UBR3: variants seen among roughly 807,000 people sequenced by gnomAD.
UBR3 encodes ubiquitin protein ligase E3 component n-recognin 3.
Under a neutral mutation model 243.2 loss-of-function variants are expected in UBR3, and 85 were observed. The observed-to-expected ratio is 0.35, with a 90% confidence interval of 0.29 to 0.42. UBR3 has a LOEUF of 0.42. Ranked by LOEUF, UBR3 falls within the 10% of genes least tolerant of loss-of-function variation. The probability of loss-of-function intolerance (pLI) is 1.00; values close to 1 mark genes in which losing one functional copy is unlikely to be tolerated. For synonymous variants in UBR3, 748 were observed against 799.8 expected, an observed-to-expected ratio of 0.94 and a Z score of 1.09; for missense variants, 1,686 against 2,300.8, an observed-to-expected ratio of 0.73 and a Z score of 5.47.
At chr2:169,999,043 T>A (rs1485904208) in intron 26 of UBR3, among the ~76,000 whole-genome samples, 1 of 152,242 alleles carries the variant, frequency 6.6e-6, no homozygotes, top group Non-Finnish European at 1.5e-5. Flanking sequence ...TTAAGTGTTA[T>A]CCTGCATTTT....
intron 35 of UBR3, among the ~76,000 whole-genome samples, chr2:170,072,587 A>T (rs557200219): frequency 2.0e-5 from 3 of 152,170 alleles, no homozygotes; most frequent in Admixed American, 1.3e-4. Context: ...ATAAAATTTA[A>T]AAAAAGTAAT....
At chr2:169,942,049 T>C (rs1380700416) in intron 19 of UBR3, among the ~76,000 whole-genome samples, 1 of 152,238 alleles carries the variant, frequency 6.6e-6, no homozygotes, top group Non-Finnish European at 1.5e-5. Flanking sequence ...TCCTTCTTTT[T>C]TTCTGGTAAC....
intron 1 of UBR3, among the ~76,000 whole-genome samples, chr2:169,844,863 T>G (rs2082417177): frequency 1.3e-5 from 2 of 152,196 alleles, no homozygotes; most frequent in African/African-American, 4.8e-5. Context: ...TTTGTTGTTG[T>G]TGTTCTCAAT....
In UBR3 at chr2:169,906,059, C is replaced by T. The variant is rs371694778; in HGVS notation, c.1674C>T (p.Asn558=). 3.7e-4 allele frequency: 574 copies of T among 1,551,380 alleles called. No homozygotes were observed. The highest frequency in any genetic ancestry group is 4.7e-4 in the Non-Finnish European group (537 of 1,146,886). Reference sequence around the variant, plus strand: ...TGAACTTAAACAAGCGAGAACTAAACGAGCATGTGGAATTTGAGTCTCAGA... The same window carrying T: ...TGAACTTAAACAAGCGAGAACTAAATGAGCATGTGGAATTTGAGTCTCAGA... The part of the protein sequence containing the change: ...QGMNLNKREL[N]EHVEFESQTY... Residue 558 remains asparagine (N), a synonymous_variant, in exon 10 of 39, where the codon AAC becomes AAT. Transcript: ENST00000272793.
intron 35 of UBR3, 110 bp downstream of exon 35, chr2:170,061,553 C>T (rs181477956): frequency 2.9e-5 from 39 of 1,353,720 alleles, no homozygotes; most frequent in East Asian, 2.4e-4. Context: ...CTGCAACCTC[C>T]GCCTGCCAGG....
chr2:170,037,017 G>T (rs1448494625), intron 31 of UBR3, among the ~76,000 whole-genome samples: 3 of 151,986 alleles, frequency 2.0e-5, no homozygotes. Flanking sequence ...GTTTTCTCAT[G>T]GGATGATTTT....
At chr2:170,038,036 T>C (rs1417310124) in intron 31 of UBR3, among the ~76,000 whole-genome samples, 4 of 152,188 alleles carry the variant, frequency 2.6e-5, no homozygotes, top group African/African-American at 9.6e-5. Flanking sequence ...TAATGTAAAA[T>C]AAGATTCTAG....
chr2:169,855,943 A>C (rs2082832382), intron 1 of UBR3, among the ~76,000 whole-genome samples: 1 of 146,232 alleles, frequency 6.8e-6, no homozygotes, highest in Non-Finnish European at 1.5e-5. Context: ...GGCGCCCCCC[A>C]CCTCCCGGAC....
At chr2:170,047,837 C>T (rs2091125633) in intron 32 of UBR3, among the ~76,000 whole-genome samples, 1 of 152,168 alleles carries the variant, frequency 6.6e-6, no homozygotes. Context: ...ATCCCTTTGT[C>T]CAGTATATCC....
In UBR3 at chr2:169,949,849, C is replaced by T; in HGVS notation, c.3329C>T (p.Pro1110Leu). The stretch of plus-strand genomic sequence containing the variant: ...GGAAAACAAAACTCCTACTATCCTC[C>T]TTGGCTTGATGACATAGAAATTTTA... ...LSGKQNSYYP[P>L]WLDDIEILIQ... Residue 1110 changes from proline (P) to leucine (L), a missense_variant, in exon 23 of 39, where the codon CCT becomes CTT. Pro to Leu is a moderately conservative substitution (Grantham distance 98). Coordinates refer to ENST00000272793, the MANE Select transcript of UBR3 (RefSeq NM_172070.4). 6.3e-7 allele frequency: 1 copy of T among 1,580,300 alleles called. No individual in the cohort carries two copies. The highest frequency in any genetic ancestry group is 1.1e-5 in the South Asian group (1 of 87,562).
chr2:170,046,964 A>G (rs2091103871), intron 32 of UBR3, among the ~76,000 whole-genome samples: 2 of 152,210 alleles, frequency 1.3e-5, no homozygotes, highest in South Asian at 2.1e-4. Context: ...TAACCCCAAC[A>G]GTCTTTGATA....
intron 23 of UBR3, among the ~76,000 whole-genome samples, chr2:169,956,906 AC>A (rs2087326477): frequency 6.6e-6 from 1 of 152,190 alleles, no homozygotes; most frequent in Non-Finnish European, 1.5e-5. Flanking sequence ...TGACTTCTAT[AC>A]TGTATAGATA....
intron 11 of UBR3, among the ~76,000 whole-genome samples, chr2:169,923,035 C>A (rs751244034): frequency 6.6e-6 from 1 of 152,016 alleles, no homozygotes; most frequent in Non-Finnish European, 1.5e-5. Flanking sequence ...ACAAACAATA[C>A]CTTTTCAGTT....
chr2:169,902,412 C>T (rs371390607), intron 8 of UBR3, among the ~76,000 whole-genome samples: 22 of 152,274 alleles, frequency 1.4e-4, no homozygotes, highest in African/African-American at 3.4e-4. Flanking sequence ...AAAGTCCTGA[C>T]GCTGGTTTAT....
chr2:169,845,407 A>G (rs1189244804), intron 1 of UBR3, among the ~76,000 whole-genome samples: 5 of 145,062 alleles, frequency 3.4e-5, no homozygotes, highest in African/African-American at 1.3e-4. Context: ...TGGGTGACAT[A>G]GTGAGACCCC....
chr2:169,849,950 T>C (rs768314152), intron 1 of UBR3, among the ~76,000 whole-genome samples: 73 of 152,266 alleles, frequency 4.8e-4, no homozygotes, highest in Non-Finnish European at 8.8e-4. Flanking sequence ...AGTTGATGAC[T>C]GCTGATACCT....
At chr2:170,041,420 G>C (rs972124816) in intron 32 of UBR3, among the ~76,000 whole-genome samples, 1 of 152,046 alleles carries the variant, frequency 6.6e-6, no homozygotes, top group African/African-American at 2.4e-5. Context: ...ATGAAAATTC[G>C]AAAAATAGAG....
chr2:169,843,440 A>C (rs1291888918), intron 1 of UBR3, among the ~76,000 whole-genome samples: 3 of 152,208 alleles, frequency 2.0e-5, no homozygotes, highest in Non-Finnish European at 4.4e-5. Context: ...TTTATAAGGC[A>C]CTAATCCATC....
chr2:170,061,997 T>C (rs576939708), intron 35 of UBR3, among the ~76,000 whole-genome samples: 2 of 152,364 alleles, frequency 1.3e-5, no homozygotes, highest in African/African-American at 2.4e-5. Context: ...TTCCCAGTAC[T>C]TGATGAATAG....
Sources: allele counts gnomAD v4.1 joint callset (sites outside exome capture counted in the v4.1 genomes callset), GRCh38; gene constraint gnomAD v4.1.1; transcripts MANE v1.5; gene names NCBI Gene and HGNC (gene_info 2026-07-23, HGNC 2026-07-21).